Variants in B4GALNT2 observed in about 807,000 individuals in gnomAD.
The protein encoded by B4GALNT2 is N-acetylneuraminylgalactosylglucosyl-glucoside beta-1,4-N- acetylgalactosaminyltransferase 2.
A neutral mutation model predicts 51.1 loss-of-function variants in B4GALNT2; 42 were observed. That is an observed-to-expected ratio of 0.82 (90% CI 0.64 to 1.06). B4GALNT2 has a LOEUF of 1.06. Ranked by LOEUF, B4GALNT2 falls within the 50% of genes least tolerant of loss-of-function variation. The pLI, the probability that B4GALNT2 is intolerant of heterozygous loss-of-function variation, is 0.00. For missense variants in B4GALNT2, 602 were observed against 633.6 expected (o/e 0.95, Z 0.54); for synonymous variants, 253 against 251.7 (o/e 1.01, Z -0.05).
chr17:49,150,793 C>T (rs1032201958), intron 3 of B4GALNT2, among the ~76,000 whole-genome samples: 3 of 148,948 alleles, frequency 2.0e-5, no homozygotes, highest in East Asian at 2.0e-4. Context: ...TGCGGAAGGC[C>T]GCAGGGTCCT....
chr17:49,148,691 CT>C, intron 3 of B4GALNT2: 1 of 560,096 alleles, frequency 1.8e-6, no homozygotes, highest in Non-Finnish European at 3.3e-6. Context: ...GGTCGGGCAC[CT>C]TCTTGTCTGC....
chr17:49,157,801 C>T lies in B4GALNT2; in HGVS notation c.498+1198C>T, dbSNP rs146141661. Among the ~76,000 whole-genome samples the T allele has an allele frequency of 3.7e-3, 556 of 152,278 alleles. 2 individuals are homozygous for T. The highest frequency in any genetic ancestry group is 0.013 in the African/African-American group (535 of 41,546). On this transcript the variant is annotated intron_variant, in intron 5 of 10. Transcript: ENST00000393354. ...GTAGTCCTGCTCTGGACCTGAATTC[C>T]CTGCTGCGCGTAGTTCCATGCTTAT...
At chr17:49,152,276 G>C (rs981788303) in intron 3 of B4GALNT2, among the ~76,000 whole-genome samples, 4 of 152,134 alleles carry the variant, frequency 2.6e-5, no homozygotes, top group Non-Finnish European at 5.9e-5. Flanking sequence ...CTATGAAAAG[G>C]CTGAGATGGG....
intron 1 of B4GALNT2, among the ~76,000 whole-genome samples, chr17:49,139,897 G>A (rs538191135): frequency 1.3e-5 from 2 of 151,184 alleles, no homozygotes; most frequent in East Asian, 1.9e-4. Flanking sequence ...GTCCTAATAC[G>A]TGGCCAACTT....
rs1422899306 is a variant in B4GALNT2 at position 49,164,222 on chromosome 17, C to G, written c.901C>G (p.Pro301Ala). 6 of 1,613,480 alleles carry G rather than the reference C, an allele frequency of 3.7e-6. No individual in the cohort carries two copies. The highest frequency in any genetic ancestry group is 5.1e-6 in the Non-Finnish European group (6 of 1,179,460). Residue 301 changes from proline (P) to alanine (A), a missense_variant, in exon 8 of 11, where the codon CCC becomes GCC. Pro to Ala is a conservative substitution (Grantham distance 27). Coordinates refer to ENST00000393354, the MANE Select transcript of B4GALNT2 (RefSeq NM_001159387.2). ...TVIVADDSQK[P>A]LEIKDNHVEY... is the part of the protein sequence containing the mutation. ...AATAGTGGCTGATGACAGCCAGAAGCCCCTGGAAATTAAAGACAATCACGT... is the reference window on the plus strand; with the variant it reads ...AATAGTGGCTGATGACAGCCAGAAGGCCCTGGAAATTAAAGACAATCACGT...
intron 6 of B4GALNT2, 59 bp downstream of exon 6, chr17:49,159,276 C>A: frequency 6.6e-7 from 1 of 1,509,334 alleles, no homozygotes; most frequent in Non-Finnish European, 9.1e-7. Flanking sequence ...CCTCTGGGCC[C>A]TTTCAAAGTC....
At chr17:49,134,069 C>G (rs191898806) in intron 1 of B4GALNT2, among the ~76,000 whole-genome samples, 1 of 152,194 alleles carries the variant, frequency 6.6e-6, no homozygotes, top group East Asian at 1.9e-4. Flanking sequence ...TCCCCAACTT[C>G]CCCCACTCCA....
Position 49,160,652 on chromosome 17 carries a change from T to TG in B4GALNT2, c.766+12dup, listed in dbSNP as rs2042855907. Reference sequence around the variant, plus strand: ...ACGACCCTGGACCAGGTAAGGCCCTTGTCCTTGGGGCTCCGTGGTGGCAAC... The same window carrying TG: ...ACGACCCTGGACCAGGTAAGGCCCTTGGTCCTTGGGGCTCCGTGGTGGCAAC... On this transcript the variant is annotated intron_variant, in intron 7 of 10. Transcript: ENST00000393354. 2.5e-6 allele frequency: 4 copies of TG among 1,610,832 alleles called. No individual in the cohort carries two copies. In the East Asian group the frequency reaches 8.9e-5, roughly 36 times the overall value.
chr17:49,138,257 G>C (rs1022531914), intron 1 of B4GALNT2, among the ~76,000 whole-genome samples: 3 of 152,148 alleles, frequency 2.0e-5, no homozygotes, highest in African/African-American at 7.2e-5. Flanking sequence ...CCAACCATAG[G>C]CACATCTTAA....
upstream of B4GALNT2, among the ~76,000 whole-genome samples, chr17:49,128,625 T>C (rs372763756): frequency 2.8e-4 from 43 of 152,294 alleles, no homozygotes; most frequent in African/African-American, 8.7e-4. Flanking sequence ...TTGCCATTCC[T>C]GGTTATAAAG....
intron 3 of B4GALNT2, among the ~76,000 whole-genome samples, chr17:49,150,807 C>G (rs1298500519): frequency 1.3e-5 from 2 of 148,914 alleles, no homozygotes; most frequent in Admixed American, 6.7e-5. Flanking sequence ...GGGTCCTCTG[C>G]CTAGGAAAAC....
intron 4 of B4GALNT2, among the ~76,000 whole-genome samples, chr17:49,155,527 G>A (rs546432953): frequency 6.6e-6 from 1 of 150,572 alleles, no homozygotes; most frequent in Non-Finnish European, 1.5e-5. Flanking sequence ...ACTTGAACTT[G>A]GGAGGTAGAG....
chr17:49,157,670 C>T (rs1307903321), intron 5 of B4GALNT2, among the ~76,000 whole-genome samples: 1 of 152,044 alleles, frequency 6.6e-6, no homozygotes. Flanking sequence ...CCATGTTGCC[C>T]AGGCTGGTTT....
At chr17:49,151,735 A>G (rs1283708882) in intron 3 of B4GALNT2, among the ~76,000 whole-genome samples, 1 of 146,248 alleles carries the variant, frequency 6.8e-6, no homozygotes, top group Non-Finnish European at 1.5e-5. Context: ...ACCTAGCGAG[A>G]CTCTGTCACA....
chr17:49,141,900 T>G (rs971089445), intron 2 of B4GALNT2, 135 bp from the exon 3 acceptor site: 2 of 1,138,572 alleles, frequency 1.8e-6, no homozygotes, highest in African/African-American at 3.1e-5. Flanking sequence ...CTCCAGGGTC[T>G]CATCATCTCA....
At chr17:49,127,603 G>C (rs1424692441), upstream of B4GALNT2, among the ~76,000 whole-genome samples, 1 of 152,054 alleles carries the variant, frequency 6.6e-6, no homozygotes, top group Non-Finnish European at 1.5e-5. Flanking sequence ...TAGCCACACA[G>C]ACAACCAGAA....
intron 4 of B4GALNT2, among the ~76,000 whole-genome samples, chr17:49,154,688 C>G (rs961792445): frequency 6.6e-6 from 1 of 152,048 alleles, no homozygotes; most frequent in African/African-American, 2.4e-5. Flanking sequence ...CTGAATTTCA[C>G]AAACCACATC....
chr17:49,153,137 T>C (rs548417296), intron 4 of B4GALNT2, among the ~76,000 whole-genome samples: 4 of 150,720 alleles, frequency 2.7e-5, no homozygotes, highest in Admixed American at 6.6e-5. Context: ...AGGGGCCGGG[T>C]GCTGTGCTCA....
At position 49,132,801 on chromosome 17, in the gene B4GALNT2, G is replaced by C. The variant is rs2042551067; in HGVS notation, c.9G>C (p.Ser3=). MT[S]GGSRFLWLLK... Reference sequence around the variant, plus strand: ...GGGCGGCGGGATTCGGGATGACTTCGGGCGGGTGAGTGTCCCCGGGGCAGA... The same window carrying C: ...GGGCGGCGGGATTCGGGATGACTTCCGGCGGGTGAGTGTCCCCGGGGCAGA... Residue 3 remains serine, a synonymous_variant, in exon 1 of 11, where the codon TCG becomes TCC. Transcript: ENST00000393354. 3.6e-6 allele frequency: 5 copies of C among 1,377,146 alleles called. No individual in the cohort carries two copies. Among genetic ancestry groups the C allele is most frequent in the Middle Eastern group, 1.9e-4 (1 of 5,164 alleles). 85.3% of individuals were successfully genotyped at this position (1,377,146 alleles called of 1,614,324 possible).
Sources: allele counts gnomAD v4.1 joint callset (sites outside exome capture counted in the v4.1 genomes callset), GRCh38; gene constraint gnomAD v4.1.1; transcripts MANE v1.5; gene names NCBI Gene and HGNC (gene_info 2026-07-23, HGNC 2026-07-21).